TTC7B: variants seen among roughly 807,000 people sequenced by gnomAD.
TTC7B encodes the protein tetratricopeptide repeat protein 7B.
A neutral mutation model predicts 106.8 loss-of-function variants in TTC7B; 28 were observed. That is an observed-to-expected ratio of 0.26 (90% CI 0.19 to 0.36). The LOEUF is 0.36. Among genes scored for constraint, TTC7B ranks in the 10% least tolerant of loss-of-function variants. The pLI is 1.00. For synonymous variants in TTC7B, 405 were observed against 430.6 expected, an observed-to-expected ratio of 0.94 and a Z score of 0.74; for missense variants, 862 against 1,076.4, an observed-to-expected ratio of 0.80 and a Z score of 2.79.
At position 90,816,167 on chromosome 14, in the gene TTC7B, G is replaced by T; in HGVS notation, c.121+8C>A. ...CCCGCAGCCCAGGCCGGCGCGCCCG[G>T]AGCGTACCGTTGGCGATGAGCTTGG... On this transcript the variant is annotated splice_region_variant and intron_variant, in intron 1 of 19. Transcript: ENST00000328459. 2 of 1,238,594 alleles carry T rather than the reference G, an allele frequency of 1.6e-6. No individual in the cohort carries two copies. Among genetic ancestry groups the T allele is most frequent in the Non-Finnish European group, 2.1e-6 (2 of 959,136 alleles). 76.7% of individuals were successfully genotyped at this position (1,238,594 alleles called of 1,614,324 possible).
At chr14:90,815,974 C>T (rs1177448944) in intron 1 of TTC7B, among the ~76,000 whole-genome samples, 4 of 151,612 alleles carry the variant, frequency 2.6e-5, no homozygotes, top group Non-Finnish European at 5.9e-5. Context: ...CCCTGGCGCC[C>T]CCCCGGGCCC....
chr14:90,546,282 T>A (rs1288725362), intron 19 of TTC7B, among the ~76,000 whole-genome samples: 1 of 152,206 alleles, frequency 6.6e-6, no homozygotes, highest in Non-Finnish European at 1.5e-5. Flanking sequence ...TTCCTTTCCC[T>A]TCCCTTCCCT....
At chr14:90,666,922 A>T (rs1886433593) in intron 9 of TTC7B, among the ~76,000 whole-genome samples, 1 of 152,232 alleles carries the variant, frequency 6.6e-6, no homozygotes. Flanking sequence ...CCAAGCTTGC[A>T]CATTGAGTAA....
At position 90,531,093 on chromosome 14, in the gene TTC7B, A is replaced by G. The variant is rs1456209814; in HGVS notation, c.*10275T>C. ...ATGTAAAGAGTTTTGTATTCAGTTG[A>G]AGTTGTTATGAGATTAAAATATATT... On this transcript the variant is annotated 3_prime_UTR_variant, in exon 20 of 20. Transcript: ENST00000328459. 1 of 152,244 alleles carries G rather than the reference A, an allele frequency of 6.6e-6. No homozygotes were observed. Among genetic ancestry groups the G allele is most frequent in the East Asian group, 1.9e-4 (1 of 5,204 alleles). The allele number at this position is 152,244 out of a possible 1,614,324, so 9.4% of individuals were successfully genotyped here.
intron 1 of TTC7B, among the ~76,000 whole-genome samples, chr14:90,809,213 G>A (rs1198565406): frequency 1.3e-5 from 2 of 152,106 alleles, no homozygotes; most frequent in African/African-American, 2.4e-5. Context: ...GATTTCCAGG[G>A]GAAAAAGAGA....
Position 90,708,089 on chromosome 14 carries a change from T to C in TTC7B, c.699-12511A>G, listed in dbSNP as rs980298050. 7.5e-5 allele frequency among the ~76,000 whole-genome samples: 10 copies of C among 133,376 alleles called. No individual in the cohort carries two copies. The South Asian group carries it at 2.0e-3, about 27-fold the overall frequency. 87.5% of individuals were successfully genotyped at this position (133,376 alleles called of 152,430 possible). A position where few individuals can be genotyped will look rare whatever the true frequency, so the allele number is the denominator to read the frequency against. On this transcript the variant is annotated intron_variant, in intron 5 of 19. Transcript: ENST00000328459. ...AGAACCCAGGAGGTGGAGGTTGCAGTGAGCCAAGGTCACACCACTGCACTC... is the reference window on the plus strand; with the variant it reads ...AGAACCCAGGAGGTGGAGGTTGCAGCGAGCCAAGGTCACACCACTGCACTC...
intron 15 of TTC7B, among the ~76,000 whole-genome samples, chr14:90,641,582 G>C (rs2139877376): frequency 6.6e-6 from 1 of 152,340 alleles, no homozygotes; most frequent in Middle Eastern, 3.4e-3. Context: ...GTATTCTTGG[G>C]AAGAAGTTTC....
intron 15 of TTC7B, among the ~76,000 whole-genome samples, chr14:90,637,973 C>T (rs567544669): frequency 3.3e-5 from 5 of 152,170 alleles, no homozygotes; most frequent in African/African-American, 1.2e-4. Context: ...CCTTGACTTC[C>T]TGGGCTCAAC....
chr14:90,613,813 G>T (rs1415896528), intron 16 of TTC7B, among the ~76,000 whole-genome samples: 2 of 152,260 alleles, frequency 1.3e-5, no homozygotes, highest in Non-Finnish European at 2.9e-5. Flanking sequence ...AAACTGGAAG[G>T]ACCCCAGATC....
At chr14:90,665,291 G>C (rs1050045197) in intron 9 of TTC7B, among the ~76,000 whole-genome samples, 25 of 152,162 alleles carry the variant, frequency 1.6e-4, no homozygotes, top group African/African-American at 5.5e-4. Context: ...TGAATATTTG[G>C]TAGAACAATA....
intron 17 of TTC7B, among the ~76,000 whole-genome samples, chr14:90,599,652 G>A (rs1438738032): frequency 6.6e-6 from 1 of 152,170 alleles, no homozygotes; most frequent in Non-Finnish European, 1.5e-5. Flanking sequence ...TCTGCCTAAT[G>A]CTGCAGCGGC....
At chr14:90,726,899 A>C (rs528729103) in intron 5 of TTC7B, among the ~76,000 whole-genome samples, 2 of 152,274 alleles carry the variant, frequency 1.3e-5, no homozygotes, top group East Asian at 3.9e-4. Context: ...ATCTGGGTAC[A>C]TTCCAAGTCA....
chr14:90,799,230 C>T (rs1317693454), intron 1 of TTC7B, among the ~76,000 whole-genome samples: 2 of 152,228 alleles, frequency 1.3e-5, no homozygotes, highest in African/African-American at 4.8e-5. Context: ...ATATCCCAGG[C>T]ATCCTTTAAG....
intron 19 of TTC7B, among the ~76,000 whole-genome samples, chr14:90,568,735 G>C (rs148622186): frequency 6.6e-6 from 1 of 152,134 alleles, no homozygotes; most frequent in Non-Finnish European, 1.5e-5. Context: ...CTATCCCTGT[G>C]CCAAATGATG....
At chr14:90,607,286 G>A (rs1244893038) in intron 17 of TTC7B, among the ~76,000 whole-genome samples, 1 of 152,246 alleles carries the variant, frequency 6.6e-6, no homozygotes, top group East Asian at 1.9e-4. Flanking sequence ...GTGCCCCAGG[G>A]TTGGCAGGAT....
intron 1 of TTC7B, among the ~76,000 whole-genome samples, chr14:90,815,971 GC>G (rs1254335778): frequency 6.6e-6 from 1 of 150,878 alleles, no homozygotes; most frequent in African/African-American, 2.4e-5. Flanking sequence ...AGCCCCTGGC[GC>G]CCCCCCGGGC....
chr14:90,730,666 C>G (rs1456664632), intron 4 of TTC7B, among the ~76,000 whole-genome samples: 1 of 152,190 alleles, frequency 6.6e-6, no homozygotes, highest in East Asian at 1.9e-4. Flanking sequence ...GTGATCTGCA[C>G]TAGCCCTGGA....
At chr14:90,650,780 T>C (rs1202679537) in intron 13 of TTC7B, among the ~76,000 whole-genome samples, 1 of 152,266 alleles carries the variant, frequency 6.6e-6, no homozygotes, top group African/African-American at 2.4e-5. Flanking sequence ...AACAATATTA[T>C]GTTCTTCTTC....
chr14:90,720,264 T>C (rs765944842), intron 5 of TTC7B, among the ~76,000 whole-genome samples: 1 of 152,130 alleles, frequency 6.6e-6, no homozygotes, highest in Non-Finnish European at 1.5e-5. Context: ...TGACCACCAA[T>C]TGTAGGTTAA....
Sources: allele counts gnomAD v4.1 joint callset (sites outside exome capture counted in the v4.1 genomes callset), GRCh38; gene constraint gnomAD v4.1.1; transcripts MANE v1.5; gene names NCBI Gene and HGNC (gene_info 2026-07-23, HGNC 2026-07-21).